Variants in ANKFN1 observed in about 807,000 individuals in gnomAD.
ANKFN1 encodes the protein ankyrin repeat and fibronectin type III domain containing 1.
A neutral mutation model predicts 108.7 loss-of-function variants in ANKFN1; 74 were observed. That is an observed-to-expected ratio of 0.68 (90% confidence interval 0.56 to 0.83). The LOEUF is 0.83. Ranked by LOEUF, ANKFN1 falls within the 40% of genes least tolerant of loss-of-function variation. The pLI is 0.00. For synonymous variants in ANKFN1, 547 were observed against 516.2 expected (o/e 1.06, Z -0.81); for missense variants, 1,505 against 1,382.3 (o/e 1.09, Z -1.41).
Position 56,395,679 on chromosome 17 carries a change from C to T in ANKFN1, c.910+20965C>T, listed in dbSNP as rs562852785. Among the ~76,000 whole-genome samples, 22 of 151,972 alleles carry T rather than the reference C, an allele frequency of 1.4e-4. No individual in the cohort carries two copies. The East Asian group carries it at 4.3e-3, about 30-fold the overall frequency. ...GCCTGGCCAACACGGAGAAACCCCA[C>T]CTCTCTTAAAAATACAAAAATTAGC... On this transcript the variant is annotated intron_variant, in intron 8 of 20. Coordinates refer to ENST00000682825, the MANE Select transcript of ANKFN1 (RefSeq NM_001370326.1).
chr17:56,186,203 C>T (rs1003188487), intron 1 of ANKFN1, among the ~76,000 whole-genome samples: 1 of 152,164 alleles, frequency 6.6e-6, no homozygotes, highest in African/African-American at 2.4e-5. Flanking sequence ...ATGTAGTATA[C>T]TGAACAAGTA....
At chr17:56,356,921 C>T (rs1453463773) in intron 6 of ANKFN1, among the ~76,000 whole-genome samples, 3 of 152,172 alleles carry the variant, frequency 2.0e-5, no homozygotes, top group African/African-American at 7.2e-5. Context: ...ACAAAAAACT[C>T]TGCATTTTCT....
chr17:56,104,920 C>T (rs1905715567), intron 4 of ANKFN1, among the ~76,000 whole-genome samples: 1 of 152,180 alleles, frequency 6.6e-6, no homozygotes, highest in Non-Finnish European at 1.5e-5. Flanking sequence ...AAGCCTCCTT[C>T]AGCCAGGGGC....
intron 4 of ANKFN1, 57 bp downstream of exon 4, chr17:56,326,412 T>C: frequency 1.3e-6 from 2 of 1,558,484 alleles, no homozygotes; most frequent in Non-Finnish European, 8.7e-7. Context: ...TCTTAATTAC[T>C]GATTATTTTT....
rs1052837634 is a variant in ANKFN1 at position 56,440,434 on chromosome 17, C to T, written c.1008+10C>T. Reference sequence around the variant, plus strand: ...CACAGGACTTACAATGGTAAATGTCCCCAGTAGACTTTTCATTTCCCTATT... The same window carrying T: ...CACAGGACTTACAATGGTAAATGTCTCCAGTAGACTTTTCATTTCCCTATT... On this transcript the variant is annotated intron_variant, in intron 9 of 20. Coordinates refer to ENST00000682825, the MANE Select transcript of ANKFN1 (RefSeq NM_001370326.1). The T allele has an allele frequency of 2.5e-6, 4 of 1,592,458 alleles. No individual in the cohort carries two copies. In the African/African-American group the frequency reaches 4.0e-5, roughly 16 times the overall value.
At chr17:56,415,113 T>C (rs1419147317) in intron 8 of ANKFN1, among the ~76,000 whole-genome samples, 1 of 152,182 alleles carries the variant, frequency 6.6e-6, no homozygotes, top group Non-Finnish European at 1.5e-5. Flanking sequence ...CAGCCTTTGC[T>C]GACTGGGGAA....
chr17:56,408,507 T>G (rs1702724324), intron 8 of ANKFN1, among the ~76,000 whole-genome samples: 1 of 152,174 alleles, frequency 6.6e-6, no homozygotes, highest in Non-Finnish European at 1.5e-5. Context: ...AGGGATACAC[T>G]CTGAATTATC....
intron 4 of ANKFN1, among the ~76,000 whole-genome samples, chr17:56,144,419 C>A (rs1409841300): frequency 6.6e-6 from 1 of 152,184 alleles, no homozygotes; most frequent in Non-Finnish European, 1.5e-5. Context: ...TCTACACAGG[C>A]ACTAAAGTAC....
intron 3 of ANKFN1, among the ~76,000 whole-genome samples, chr17:56,256,649 C>T (rs2043364343): frequency 6.6e-6 from 1 of 151,938 alleles, no homozygotes; most frequent in African/African-American, 2.4e-5. Context: ...TAGTATGTAC[C>T]CCATATTAAG....
chr17:56,214,401 G>A (rs575524672), intron 2 of ANKFN1, among the ~76,000 whole-genome samples: 15 of 152,220 alleles, frequency 9.9e-5, no homozygotes, highest in Non-Finnish European at 1.9e-4. Flanking sequence ...TTGTCAAAGA[G>A]TAGGAAAAGC....
chr17:56,303,063 G>A (rs1478569006), intron 3 of ANKFN1, among the ~76,000 whole-genome samples: 9 of 152,182 alleles, frequency 5.9e-5, no homozygotes, highest in Non-Finnish European at 1.2e-4. Flanking sequence ...CTACACAAGG[G>A]CACTTCCTTT....
At chr17:56,065,460 C>G (rs531953188) in intron 4 of ANKFN1, among the ~76,000 whole-genome samples, 2 of 152,132 alleles carry the variant, frequency 1.3e-5, no homozygotes, top group Non-Finnish European at 2.9e-5. Flanking sequence ...CAGCTTGGCA[C>G]GAGAACTTAG....
intron 15 of ANKFN1, among the ~76,000 whole-genome samples, chr17:56,467,014 G>T (rs1005505696): frequency 1.3e-4 from 20 of 152,082 alleles, no homozygotes; most frequent in African/African-American, 4.6e-4. Context: ...CTGCTTGGGG[G>T]GCTGAGGCGG....
At position 56,093,164 on chromosome 17, in the gene ANKFN1, G is replaced by A. The variant is rs190258750; in HGVS notation, c.288+46839G>A. Among the ~76,000 whole-genome samples the A allele has an allele frequency of 3.4e-3, 519 of 151,286 alleles. 10 individuals are homozygous for A. The highest frequency in any genetic ancestry group is 0.012 in the African/African-American group (507 of 41,286). On this transcript the variant is annotated intron_variant, in intron 4 of 12. Coordinates refer to the ANKFN1 transcript ENST00000635860. ...GGTGGGCCACCTTGGCGGGGAGAGA[G>A]GTGTATCCTAAGATTCTGCTTTCCA...
intron 6 of ANKFN1, among the ~76,000 whole-genome samples, chr17:56,364,959 G>T (rs2046621591): frequency 6.6e-6 from 1 of 152,144 alleles, no homozygotes; most frequent in African/African-American, 2.4e-5. Context: ...AATGAGTCTT[G>T]CGTCCTGAAT....
intron 6 of ANKFN1, among the ~76,000 whole-genome samples, chr17:56,354,789 T>C (rs2046332612): frequency 6.6e-6 from 1 of 152,226 alleles, no homozygotes; most frequent in Non-Finnish European, 1.5e-5. Context: ...ATGTTTATCT[T>C]TCTTTGCTTG....
At chr17:56,303,098 A>G (rs528887904) in intron 3 of ANKFN1, among the ~76,000 whole-genome samples, 119 of 152,310 alleles carry the variant, frequency 7.8e-4, no homozygotes, top group African/African-American at 2.5e-3. Context: ...GATGTTGTTG[A>G]TTTCTCAGTA....
chr17:56,478,714 G>A (rs760968450), intron 16 of ANKFN1, among the ~76,000 whole-genome samples: 2 of 147,620 alleles, frequency 1.4e-5, no homozygotes, highest in Non-Finnish European at 3.0e-5. Context: ...GGAAAGGAAG[G>A]AATAGACAAG....
chr17:56,349,301 C>T (rs186311633), intron 4 of ANKFN1, among the ~76,000 whole-genome samples: 42 of 151,618 alleles, frequency 2.8e-4, no homozygotes, highest in Middle Eastern at 3.4e-3. Context: ...CCTAGGTAAA[C>T]GGATAATCTG....
Sources: gnomAD v4.1 joint callset for allele counts (sites outside exome capture counted in the v4.1 genomes callset) on GRCh38, gnomAD v4.1.1 for gene constraint, MANE v1.5 for transcripts, NCBI Gene and HGNC (gene_info 2026-07-23, HGNC 2026-07-21) for gene names.